Variants in MEGF9 observed in about 807,000 individuals in gnomAD.
The protein encoded by MEGF9 is multiple epidermal growth factor-like domains protein 9.
A neutral mutation model predicts 46.8 loss-of-function variants in MEGF9; 6 were observed. The ratio of observed to expected loss-of-function variants is 0.13; its 90% CI spans 0.07 to 0.25. The LOEUF is 0.25. Ranked by LOEUF, MEGF9 falls within the 10% of genes least tolerant of loss-of-function variation. The pLI is 1.00. For synonymous variants in MEGF9, 302 were observed against 330.7 expected, an observed-to-expected ratio of 0.91 and a Z score of 0.94; for missense variants, 683 against 792.4, an observed-to-expected ratio of 0.86 and a Z score of 1.66.
chr9:120,650,922 A>G (rs909559682), intron 2 of MEGF9, among the ~76,000 whole-genome samples: 8 of 151,940 alleles, frequency 5.3e-5, no homozygotes, highest in African/African-American at 1.9e-4. Flanking sequence ...ATTACACTTT[A>G]ATTTACTTAC....
At chr9:120,635,867 A>T (rs79034539) in intron 2 of MEGF9, among the ~76,000 whole-genome samples, 2,984 of 152,192 alleles carry the variant, frequency 0.02, 109 homozygotes, top group African/African-American at 0.069. Context: ...TTTGGTGGCA[A>T]CCTATTTCCA....
intron 2 of MEGF9, among the ~76,000 whole-genome samples, chr9:120,627,678 G>A (rs1181016731): frequency 2.0e-5 from 3 of 152,176 alleles, no homozygotes. Context: ...GGCCAGGCTG[G>A]TCTCGAACTC....
chr9:120,649,868 C>A (rs562404493), intron 2 of MEGF9, among the ~76,000 whole-genome samples: 3 of 152,148 alleles, frequency 2.0e-5, no homozygotes, highest in Non-Finnish European at 4.4e-5. Flanking sequence ...GTAGCAGCAA[C>A]GACAGATTTT....
At chr9:120,630,636 A>AT (rs2043546407) in intron 2 of MEGF9, among the ~76,000 whole-genome samples, 1 of 152,214 alleles carries the variant, frequency 6.6e-6, no homozygotes, top group African/African-American at 2.4e-5. Context: ...AGAACAGTGT[A>AT]TAAGAGTCCC....
chr9:120,664,305 T>C, intron 1 of MEGF9, among the ~76,000 whole-genome samples: 1 of 152,206 alleles, frequency 6.6e-6, no homozygotes, highest in East Asian at 1.9e-4. Flanking sequence ...GATGGGAGTT[T>C]TTGGAAAATA....
chr9:120,696,004 T>C (rs1038980489), intron 1 of MEGF9, among the ~76,000 whole-genome samples: 2 of 152,194 alleles, frequency 1.3e-5, no homozygotes, highest in African/African-American at 2.4e-5. Flanking sequence ...CTCTCTCTGG[T>C]GGCAAACAGG....
At chr9:120,707,993 C>G (rs764042103) in intron 1 of MEGF9, among the ~76,000 whole-genome samples, 4 of 151,978 alleles carry the variant, frequency 2.6e-5, no homozygotes, top group Non-Finnish European at 2.9e-5. Flanking sequence ...TGCAGTGAGC[C>G]CAGACGGTGC....
At chr9:120,642,013 A>G (rs2043605362) in intron 2 of MEGF9, among the ~76,000 whole-genome samples, 2 of 152,066 alleles carry the variant, frequency 1.3e-5, no homozygotes, top group Non-Finnish European at 2.9e-5. Context: ...ACTTTCCACC[A>G]CAATGACTAG....
At chr9:120,694,245 A>G (rs544064651) in intron 1 of MEGF9, among the ~76,000 whole-genome samples, 1 of 152,242 alleles carries the variant, frequency 6.6e-6, no homozygotes, top group Non-Finnish European at 1.5e-5. Flanking sequence ...TCTGGGTTTG[A>G]ATCCCAGCTA....
At position 120,605,712 on chromosome 9, in the gene MEGF9, A is replaced by T; in HGVS notation, c.1358-71T>A. ...AGTTTTGAGAAACAATAAAAGAAAT[A>T]CGCATGGGAGTGAATGTTGATGTAG... On this transcript the variant is annotated intron_variant, in intron 5 of 5. Transcript: ENST00000373930. This position sits in a 1 kb window ranked among gnomAD's most constrained non-coding sequence, Gnocchi z 4.0. 8.9e-7 allele frequency: 1 copy of T among 1,123,702 alleles called. No individual in the cohort carries two copies. The highest frequency in any genetic ancestry group is 1.3e-6 in the Non-Finnish European group (1 of 793,424). The allele number at this position is 1,123,702 out of a possible 1,614,324, so 69.6% of individuals were successfully genotyped here. A position where few individuals can be genotyped will look rare whatever the true frequency, so the allele number is the denominator to read the frequency against.
intron 1 of MEGF9, among the ~76,000 whole-genome samples, chr9:120,707,033 A>C (rs761715403): frequency 2.0e-5 from 3 of 152,180 alleles, no homozygotes; most frequent in Non-Finnish European, 4.4e-5. Context: ...TGGATTCTGG[A>C]GCCAGACCCA....
chr9:120,679,775 T>C (rs1185865174), intron 1 of MEGF9, among the ~76,000 whole-genome samples: 1 of 151,926 alleles, frequency 6.6e-6, no homozygotes, highest in Non-Finnish European at 1.5e-5. Flanking sequence ...CCGTCTCTAC[T>C]AAAAATACAA....
intron 2 of MEGF9, among the ~76,000 whole-genome samples, chr9:120,654,389 G>A (rs77466167): frequency 5.3e-5 from 8 of 152,074 alleles, no homozygotes; most frequent in Admixed American, 1.3e-4. Context: ...CGTCAATGAC[G>A]TATGGAATAT....
chr9:120,676,257 C>A (rs1356179961), intron 1 of MEGF9, among the ~76,000 whole-genome samples: 1 of 152,112 alleles, frequency 6.6e-6, no homozygotes, highest in African/African-American at 2.4e-5. Flanking sequence ...AAACCGGTTC[C>A]ATCTCTACAA....
intron 2 of MEGF9, among the ~76,000 whole-genome samples, chr9:120,649,118 A>G (rs1167022659): frequency 6.6e-6 from 1 of 152,150 alleles, no homozygotes; most frequent in Admixed American, 6.5e-5. Flanking sequence ...TATGTAAATA[A>G]TTGTTGTTTT....
chr9:120,655,699 A>G (rs1478375804), intron 2 of MEGF9, among the ~76,000 whole-genome samples: 2 of 152,266 alleles, frequency 1.3e-5, no homozygotes, highest in Admixed American at 6.5e-5. Flanking sequence ...AGTGTAACTA[A>G]AACACAGTAA....
chr9:120,636,279 A>G (rs2043573960), intron 2 of MEGF9, among the ~76,000 whole-genome samples: 1 of 152,044 alleles, frequency 6.6e-6, no homozygotes, highest in Non-Finnish European at 1.5e-5. Flanking sequence ...ATAGATAAGG[A>G]CTTTCATCTG....
chr9:120,711,941 A>T (rs1476376281), intron 1 of MEGF9, among the ~76,000 whole-genome samples: 1 of 152,092 alleles, frequency 6.6e-6, no homozygotes, highest in Non-Finnish European at 1.5e-5. Flanking sequence ...TGTTGTAAGC[A>T]CAGTAAGTGT....
chr9:120,702,966 AC>A (rs2043911999), intron 1 of MEGF9, among the ~76,000 whole-genome samples: 1 of 152,378 alleles, frequency 6.6e-6, no homozygotes, highest in African/African-American at 2.4e-5. Flanking sequence ...CCCACATCTT[AC>A]AGACAAGTGC....
Sources: gnomAD v4.1 joint callset for allele counts (sites outside exome capture counted in the v4.1 genomes callset) on GRCh38, gnomAD v4.1.1 for gene constraint, Gnocchi (gnomAD v3.1) non-coding constraint, MANE v1.5 for transcripts, NCBI Gene and HGNC (gene_info 2026-07-23, HGNC 2026-07-21) for gene names.